GLYATL1: variants seen among roughly 807,000 people sequenced by gnomAD.
GLYATL1 encodes the protein glycine N-acyltransferase-like protein 1.
Under a neutral mutation model 20.0 loss-of-function variants are expected in GLYATL1, and 15 were observed. That is an observed-to-expected ratio of 0.75 (90% CI 0.50 to 1.15). The LOEUF (loss-of-function observed/expected upper bound fraction) is 1.15, where lower values mean the gene tolerates loss of function less well. GLYATL1 is among the 50% of genes most tolerant of loss of function. GLYATL1 has a pLI of 0.00. For synonymous variants in GLYATL1, 151 were observed against 131.5 expected (o/e 1.15, Z -1.01); for missense variants, 380 against 368.5 (o/e 1.03, Z -0.26).
In GLYATL1 at chr11:58,956,108, C is replaced by A; in HGVS notation, c.*81C>A. On this transcript the variant is annotated 3_prime_UTR_variant, in exon 7 of 7. Transcript: ENST00000532726. ...ACCACAGAATAGATTTCTTCACTTACAAATGCATATTGGGCACTTATAATA... is the reference window on the plus strand; with the variant it reads ...ACCACAGAATAGATTTCTTCACTTAAAAATGCATATTGGGCACTTATAATA... 8.0e-7 allele frequency: 1 copy of A among 1,253,008 alleles called. No individual in the cohort carries two copies. Among genetic ancestry groups the A allele is most frequent in the Non-Finnish European group, 1.1e-6 (1 of 885,020 alleles). The allele number at this position is 1,253,008 out of a possible 1,614,324, so 77.6% of individuals were successfully genotyped here. A position where few individuals can be genotyped will look rare whatever the true frequency, so the allele number is the denominator to read the frequency against.
rs1855215509 is a variant in GLYATL1 at position 58,917,965 on chromosome 11, T to C, written n.264+12304T>C. ...GTTTTGCTCTTTTAAATTTTATTTT[T>C]CTTTCTTTCTTTAATTTCCTGCCTC... On this transcript the variant is annotated intron_variant and non_coding_transcript_variant, in intron 1 of 2. Coordinates refer to the GLYATL1 transcript ENST00000534674. Among the ~76,000 whole-genome samples, 3 of 150,334 alleles carry C rather than the reference T, an allele frequency of 2.0e-5. No homozygotes were observed. The South Asian group carries it at 6.3e-4, about 31-fold the overall frequency.
At chr11:58,918,528 A>G (rs1458853338) in intron 1 of GLYATL1, among the ~76,000 whole-genome samples, 5 of 152,164 alleles carry the variant, frequency 3.3e-5, no homozygotes, top group African/African-American at 1.2e-4. Context: ...GCATCCTTCT[A>G]TGAGCTCTTC....
chr11:58,918,234 A>G (rs1285671749), intron 1 of GLYATL1, among the ~76,000 whole-genome samples: 1 of 152,260 alleles, frequency 6.6e-6, no homozygotes, highest in Non-Finnish European at 1.5e-5. Context: ...CACCACTTCT[A>G]TTAATATTTT....
downstream of GLYATL1, among the ~76,000 whole-genome samples, chr11:58,909,009 C>A (rs1390791880): frequency 6.6e-6 from 1 of 152,140 alleles, no homozygotes; most frequent in African/African-American, 2.4e-5. Flanking sequence ...GGATCTGAAC[C>A]CAGGCCATCA....
Position 58,955,088 on chromosome 11 carries a change from A to G in GLYATL1, c.314-88A>G. The G allele has an allele frequency of 4.5e-6, 6 of 1,338,934 alleles. No homozygotes were observed. The South Asian group carries it at 6.8e-5, about 15-fold the overall frequency. 82.9% of individuals were successfully genotyped at this position (1,338,934 alleles called of 1,614,324 possible). On this transcript the variant is annotated intron_variant, in intron 5 of 6. Transcript: ENST00000532726. ...TGGTGTAAACTCAAGTTTGAGAACT[A>G]CTAAGCACTGAGGTATTAATCAGGT... is the stretch of plus-strand genomic sequence containing the variant.
chr11:58,955,417 A>C, intron 6 of GLYATL1, 64 bp downstream of exon 6: 1 of 1,493,754 alleles, frequency 6.7e-7, no homozygotes, highest in South Asian at 1.2e-5. Flanking sequence ...AATTCACATA[A>C]ATCAGTTTTG....
In GLYATL1 at chr11:58,954,686, C is replaced by G. The variant is rs931405488; in HGVS notation, c.187-84C>G. 129 of 1,365,214 alleles carry G rather than the reference C, an allele frequency of 9.4e-5. No individual in the cohort carries two copies. In the African/African-American group the frequency reaches 1.6e-3, roughly 16 times the overall value. 84.6% of individuals were successfully genotyped at this position (1,365,214 alleles called of 1,614,324 possible). On this transcript the variant is annotated intron_variant, in intron 4 of 6. Coordinates refer to ENST00000532726, the MANE Select transcript of GLYATL1 (RefSeq NM_001389712.2). ...GCCACTGTTAAAATTTTCTTTTGAA[C>G]TTTCATTTTTCTGATAATTGCAACC...
At chr11:58,947,809 C>T (rs1856683159) in intron 3 of GLYATL1, 49 bp from the exon 4 acceptor site, 6 of 1,255,862 alleles carry the variant, frequency 4.8e-6, no homozygotes, top group Non-Finnish European at 7.0e-6. Flanking sequence ...ACCAGATCCT[C>T]ATCTCTGGGG....
At chr11:58,949,970 C>A (rs1276426919) in intron 4 of GLYATL1, among the ~76,000 whole-genome samples, 1 of 151,882 alleles carries the variant, frequency 6.6e-6, no homozygotes. Flanking sequence ...CTCCTCTCCT[C>A]CTTTCCTACC....
chr11:58,920,314 A>T (rs1162448460), intron 1 of GLYATL1, among the ~76,000 whole-genome samples: 3 of 152,150 alleles, frequency 2.0e-5, no homozygotes, highest in Admixed American at 2.0e-4. Flanking sequence ...AGTCCCATGA[A>T]CATGGAAAGT....
chr11:58,932,741 C>A (rs531062543), intron 1 of GLYATL1, among the ~76,000 whole-genome samples: 2 of 152,218 alleles, frequency 1.3e-5, no homozygotes, highest in East Asian at 3.9e-4. Flanking sequence ...TCAAACCAAG[C>A]AAAACAAAAG....
rs11229700 is a variant in GLYATL1, at chr11:58,930,902, C to T, written c.-212+3073C>T. 8.4e-3 allele frequency among the ~76,000 whole-genome samples: 1,286 copies of T among 152,204 alleles called. 12 individuals carry two copies. The highest frequency in any genetic ancestry group is 0.029 in the African/African-American group (1,207 of 41,512). On this transcript the variant is annotated intron_variant, in intron 1 of 7. Coordinates refer to the GLYATL1 transcript ENST00000317391. ...TGCTATGGTGTGAATCTTTGCATCC[C>T]CCACAATTCATATGTTTAAATCCTA...
At chr11:58,907,924 A>C (rs1279757309) in exon 2 of GLYATL1, 1 of 153,292 alleles carries the variant, frequency 6.5e-6, no homozygotes, top group Admixed American at 6.5e-5. Flanking sequence ...GAAGTTTTCT[A>C]GTCGGATTTT....
At chr11:58,925,044 G>A (rs1447854521), upstream of GLYATL1, among the ~76,000 whole-genome samples, 4 of 152,154 alleles carry the variant, frequency 2.6e-5, no homozygotes, top group African/African-American at 4.8e-5. Flanking sequence ...CATTGTTGAG[G>A]CTGTGGGTCC....
At chr11:58,922,200 G>T (rs559115553) in intron 1 of GLYATL1, among the ~76,000 whole-genome samples, 1 of 152,296 alleles carries the variant, frequency 6.6e-6, no homozygotes, top group African/African-American at 2.4e-5. Flanking sequence ...ATGGAGGGCT[G>T]CCTGGGTTAC....
chr11:58,938,050 T>C (rs958895296), upstream of GLYATL1, among the ~76,000 whole-genome samples: 2 of 152,204 alleles, frequency 1.3e-5, no homozygotes, highest in African/African-American at 4.8e-5. Context: ...AGGCTAAACA[T>C]TGATAATATA....
At chr11:58,952,582 CG>C (rs1246683465) in intron 4 of GLYATL1, among the ~76,000 whole-genome samples, 1 of 152,018 alleles carries the variant, frequency 6.6e-6, no homozygotes, top group African/African-American at 2.4e-5. Context: ...TTTTTAAATA[CG>C]GGGGTACATG....
In GLYATL1 at chr11:58,955,249, A is replaced by G. The variant is rs755300260; in HGVS notation, c.387A>G (p.Arg129=). ...AGTCAGTGAAAGTAGAGCATTCGAGAGCACTCCTCTTGGTTACGGAAGATA... is the reference window on the plus strand; with the variant it reads ...AGTCAGTGAAAGTAGAGCATTCGAGGGCACTCCTCTTGGTTACGGAAGATA... ...FSKSVKVEHS[R]ALLLVTEDIL... The change falls in exon 6 of 7, where the codon AGA becomes AGG. Residue 129 remains arginine, a synonymous_variant. Transcript: ENST00000532726. 6.2e-7 allele frequency: 1 copy of G among 1,614,096 alleles called. No individual in the cohort carries two copies. The highest frequency in any genetic ancestry group is 1.3e-5 in the African/African-American group (1 of 75,046).
chr11:58,910,665 G>A (rs1210834115), downstream of GLYATL1, among the ~76,000 whole-genome samples: 1 of 152,078 alleles, frequency 6.6e-6, no homozygotes, highest in Non-Finnish European at 1.5e-5. Context: ...AAAAATGATG[G>A]AGGCAACAAA....
Sources: gnomAD v4.1 joint callset for allele counts (sites outside exome capture counted in the v4.1 genomes callset) on GRCh38, gnomAD v4.1.1 for gene constraint, MANE v1.5 for transcripts, NCBI Gene and HGNC (gene_info 2026-07-23, HGNC 2026-07-21) for gene names.